SRGAP3: variants seen among roughly 807,000 people sequenced by gnomAD.
SRGAP3 encodes the protein SLIT-ROBO Rho GTPase activating protein 3.
In SRGAP3, 39 loss-of-function variants were observed where a neutral mutation model predicts 121.1. That is an observed-to-expected ratio of 0.32 (90% CI 0.25 to 0.42). SRGAP3 has a LOEUF of 0.42. Ranked by LOEUF, SRGAP3 falls within the 10% of genes least tolerant of loss-of-function variation. The probability of loss-of-function intolerance (pLI) is 1.00; values close to 1 mark genes in which losing one functional copy is unlikely to be tolerated. For missense variants in SRGAP3, 1,213 were observed against 1,470.6 expected (o/e 0.82, Z 2.86); for synonymous variants, 601 against 570.0 (o/e 1.05, Z -0.77).
chr3:9,149,955 G>A (rs559566274), intron 1 of SRGAP3, among the ~76,000 whole-genome samples: 18 of 152,206 alleles, frequency 1.2e-4, no homozygotes, highest in African/African-American at 4.3e-4. Context: ...GAGTGCCCCC[G>A]ACGTGTCCAA....
rs565049233 is a variant in SRGAP3, at chr3:9,133,904, A to G, written c.68-8987T>C. Among the ~76,000 whole-genome samples, 4 of 152,310 alleles carry G rather than the reference A, an allele frequency of 2.6e-5. No individual in the cohort carries two copies. The South Asian group carries it at 6.2e-4, about 24-fold the overall frequency. ...GTGGTAGGGTTTTAAGTAAAATAAGACTGGCCTTGAGTTAATCATTAAAGT... is the reference window on the plus strand; with the variant it reads ...GTGGTAGGGTTTTAAGTAAAATAAGGCTGGCCTTGAGTTAATCATTAAAGT... On this transcript the variant is annotated intron_variant, in intron 1 of 21. Transcript: ENST00000383836.
At chr3:9,291,602 CCACACACACACACA>C (rs71049786) in intron 3 of SRGAP3, among the ~76,000 whole-genome samples, 2 of 146,918 alleles carry the variant, frequency 1.4e-5, no homozygotes, top group South Asian at 2.2e-4. Context: ...TGCATCAACA[CCACACACACACACA>C]CACACACACA....
chr3:9,286,113 A>AACACACAC (rs34023408), intron 3 of SRGAP3, among the ~76,000 whole-genome samples: 3,332 of 135,020 alleles, frequency 0.025, 58 homozygotes, highest in Non-Finnish European at 0.035. Flanking sequence ...CCCTATCTCA[A>AACACACAC]ACACACACAC....
In SRGAP3 at chr3:9,109,520, G is replaced by A. The variant is rs951408712; in HGVS notation, c.261-4678C>T. On this transcript the variant is annotated intron_variant, in intron 2 of 21. Transcript: ENST00000383836. This position sits in a 1 kb window ranked among gnomAD's most constrained non-coding sequence, Gnocchi z 4.4. ...GCTGTGAAGATTCCTTCCAGCCCTC[G>A]TTCACTCCTTGCGTTTGTGTGTCTG... 8.5e-5 allele frequency among the ~76,000 whole-genome samples: 13 copies of A among 152,194 alleles called. No individual in the cohort carries two copies. The highest frequency in any genetic ancestry group is 2.7e-4 in the African/African-American group (11 of 41,434).
intron 1 of SRGAP3, among the ~76,000 whole-genome samples, chr3:9,336,145 G>A (rs1469445478): frequency 6.6e-6 from 1 of 151,972 alleles, no homozygotes; most frequent in Non-Finnish European, 1.5e-5. Flanking sequence ...AAAGCACAGT[G>A]CACAGGAATG....
In SRGAP3 at chr3:8,994,429, G is replaced by A. The variant is rs1942262652; in HGVS notation, c.2322C>T (p.Tyr774=). 1.2e-6 allele frequency: 2 copies of A among 1,614,234 alleles called. No individual in the cohort carries two copies. Among genetic ancestry groups the A allele is most frequent in the Non-Finnish European group, 1.7e-6 (2 of 1,180,048 alleles). Residue 774 remains tyrosine, a synonymous_variant, in exon 19 of 22, where the codon TAC becomes TAT. Coordinates refer to ENST00000383836, the MANE Select transcript of SRGAP3 (RefSeq NM_014850.4). ...CCCACCAGTCCTCCGAGGCGCGGTG[G>A]TACAGGAGCAGCGAGGCCCCCTTCT... ...SFKKGASLLL[Y]HRASEDWWEG...
chr3:9,059,954 G>T, intron 6 of SRGAP3: 1 of 444,292 alleles, frequency 2.3e-6, no homozygotes, highest in Non-Finnish European at 4.2e-6. Flanking sequence ...GTGTCCAGGA[G>T]GGTACTTGGG....
chr3:9,156,814 G>A (rs1950433257), intron 1 of SRGAP3, among the ~76,000 whole-genome samples: 2 of 152,302 alleles, frequency 1.3e-5, no homozygotes, highest in South Asian at 4.1e-4. Flanking sequence ...CTGGGAGGGT[G>A]ACAGCAGTGA....
rs138258542 is a variant in SRGAP3, at chr3:9,260,341, G to A, written n.442+65669C>T. On this transcript the variant is annotated intron_variant and non_coding_transcript_variant, in intron 3 of 3. Coordinates refer to the SRGAP3 transcript ENST00000490889. ...GAAAGGGGGCTGAAGACAGGGAGCC[G>A]AGTGATTGTGCTAAGTGGACCCCAC... 3.4e-3 allele frequency among the ~76,000 whole-genome samples: 521 copies of A among 152,238 alleles called. 3 individuals are homozygous for A. Among genetic ancestry groups the A allele is most frequent in the African/African-American group, 0.012 (488 of 41,564 alleles).
intron 1 of SRGAP3, chr3:9,192,621 T>C (rs898895789): frequency 6.6e-6 from 1 of 152,214 alleles, no homozygotes; most frequent in Non-Finnish European, 1.5e-5. Flanking sequence ...CTATGCACCT[T>C]TTTCCTTGGA....
chr3:9,014,300 G>C (rs964476134), intron 15 of SRGAP3: 24 of 213,006 alleles, frequency 1.1e-4, no homozygotes, highest in South Asian at 1.8e-4. Context: ...AAGTAAGCAG[G>C]TTTAAGCTGG....
rs1223635785 is a variant in SRGAP3 at position 9,313,601 on chromosome 3, T to C, written n.442+12409A>G. Among the ~76,000 whole-genome samples the C allele has an allele frequency of 1.9e-4, 29 of 151,648 alleles. 1 individual carries two copies. The highest frequency in any genetic ancestry group is 1.9e-3 in the Admixed American group (29 of 15,222). ...CTGAGGCAGGAGAATTGCTTGAACC[T>C]GGGAGGCAGAGGTTGCAGTGAGCCA... On this transcript the variant is annotated intron_variant and non_coding_transcript_variant, in intron 3 of 3. Coordinates refer to the SRGAP3 transcript ENST00000490889.
intron 12 of SRGAP3, chr3:9,027,982 G>T: frequency 1.7e-6 from 2 of 1,205,684 alleles, no homozygotes; most frequent in Non-Finnish European, 2.5e-6. Flanking sequence ...TGTGCCCAGG[G>T]ACAGGACAAG....
chr3:9,214,726 A>G (rs570227294), intron 1 of SRGAP3, among the ~76,000 whole-genome samples: 1 of 152,328 alleles, frequency 6.6e-6, no homozygotes, highest in East Asian at 1.9e-4. Context: ...GCATCCTTTG[A>G]TTCAGATGAA....
chr3:9,329,983 T>G (rs1955580172), intron 2 of SRGAP3, among the ~76,000 whole-genome samples: 1 of 152,226 alleles, frequency 6.6e-6, no homozygotes, highest in South Asian at 2.1e-4. Flanking sequence ...TATTGTTCAT[T>G]TGGAATGTTC....
chr3:9,242,069 C>G (rs1429875533), intron 1 of SRGAP3, among the ~76,000 whole-genome samples: 2 of 139,876 alleles, frequency 1.4e-5, no homozygotes, highest in African/African-American at 5.6e-5. Flanking sequence ...CAGAATGACA[C>G]CCTAATTCAA....
At chr3:9,080,191 G>A in intron 3 of SRGAP3, 104 bp from the exon 4 acceptor site, 1 of 1,082,050 alleles carries the variant, frequency 9.2e-7, no homozygotes, top group Non-Finnish European at 1.4e-6. Context: ...GGTGGGGTCA[G>A]AAGGGGTACA....
At chr3:9,220,587 T>G (rs1035736537) in intron 1 of SRGAP3, among the ~76,000 whole-genome samples, 2 of 152,212 alleles carry the variant, frequency 1.3e-5, no homozygotes, top group African/African-American at 4.8e-5. Context: ...GCATCTTGTT[T>G]GATCATTATA....
intron 1 of SRGAP3, among the ~76,000 whole-genome samples, chr3:9,356,585 G>A (rs932179882): frequency 3.9e-5 from 6 of 152,034 alleles, no homozygotes; most frequent in African/African-American, 1.2e-4. Context: ...GTGTTAGCCA[G>A]GATGGTCTCG....
Sources: gnomAD v4.1 joint callset for allele counts (sites outside exome capture counted in the v4.1 genomes callset) on GRCh38, gnomAD v4.1.1 for gene constraint, Gnocchi (gnomAD v3.1) non-coding constraint, MANE v1.5 for transcripts, NCBI Gene and HGNC (gene_info 2026-07-23, HGNC 2026-07-21) for gene names.